Variants in MOCOS observed in about 807,000 individuals in gnomAD.
The protein encoded by MOCOS is molybdenum cofactor sulfurase.
Under a neutral mutation model 83.6 loss-of-function variants are expected in MOCOS, and 86 were observed. The ratio of observed to expected loss-of-function variants is 1.03; its 90% CI spans 0.86 to 1.23. MOCOS has a LOEUF of 1.23. Ranked by LOEUF, MOCOS falls within the 50% of genes most tolerant of loss-of-function variation. The pLI is 0.00. For missense variants in MOCOS, 1,120 were observed against 1,126.9 expected (o/e 0.99, Z 0.09); for synonymous variants, 445 against 434.7 (o/e 1.02, Z -0.29).
chr18:36,230,627 T>A (rs1261302798), intron 9 of MOCOS, among the ~76,000 whole-genome samples: 3 of 152,188 alleles, frequency 2.0e-5, no homozygotes, highest in Non-Finnish European at 4.4e-5. Flanking sequence ...CCATCAGAGC[T>A]CTAAGACTGA....
intron 6 of MOCOS, 98 bp from the exon 7 acceptor site, chr18:36,213,268 T>C (rs146633683): frequency 0.01 from 9,446 of 913,238 alleles, 71 homozygotes; most frequent in Non-Finnish European, 0.013. Flanking sequence ...TATCATCATT[T>C]TATTATTAGG....
chr18:36,239,868 G>A (rs1159092198), intron 9 of MOCOS, among the ~76,000 whole-genome samples: 12 of 151,892 alleles, frequency 7.9e-5, no homozygotes, highest in Admixed American at 5.2e-4. Flanking sequence ...TTTCCTTCTT[G>A]CTTCATTTCA....
At chr18:36,240,807 C>T (rs978905462) in intron 9 of MOCOS, among the ~76,000 whole-genome samples, 18 of 152,280 alleles carry the variant, frequency 1.2e-4, no homozygotes, top group African/African-American at 4.3e-4. Context: ...TAGGACCCTC[C>T]GAGCCAGGTG....
At chr18:36,233,575 A>G (rs1160584388) in intron 9 of MOCOS, among the ~76,000 whole-genome samples, 1 of 152,286 alleles carries the variant, frequency 6.6e-6, no homozygotes, top group East Asian at 1.9e-4. Flanking sequence ...GCTGGATCAA[A>G]TTGTGGTTCT....
intron 2 of MOCOS, among the ~76,000 whole-genome samples, chr18:36,197,064 A>T (rs941450996): frequency 6.6e-6 from 1 of 152,082 alleles, no homozygotes; most frequent in African/African-American, 2.4e-5. Context: ...CCAGGAAGGG[A>T]GCAAAACTAG....
chr18:36,241,972 C>G (rs117879435), intron 9 of MOCOS, among the ~76,000 whole-genome samples: 1 of 152,212 alleles, frequency 6.6e-6, no homozygotes, highest in Admixed American at 6.5e-5. Flanking sequence ...GAGCCTGACC[C>G]GCGAAGCCAT....
chr18:36,261,699 A>T (rs2091663927), intron 13 of MOCOS, among the ~76,000 whole-genome samples: 1 of 152,124 alleles, frequency 6.6e-6, no homozygotes, highest in African/African-American at 2.4e-5. Context: ...CAAGCAATCT[A>T]TATTATGTCC....
At chr18:36,238,920 G>T (rs1217773992) in intron 9 of MOCOS, among the ~76,000 whole-genome samples, 10 of 148,652 alleles carry the variant, frequency 6.7e-5, no homozygotes, top group Admixed American at 1.4e-4. Flanking sequence ...ATCTTTGTTG[G>T]TTTAAAGTCT....
intron 2 of MOCOS, among the ~76,000 whole-genome samples, chr18:36,198,450 T>C (rs551889206): frequency 1.2e-4 from 19 of 152,356 alleles, no homozygotes; most frequent in Admixed American, 8.5e-4. Context: ...CACCCATTGA[T>C]GGACATTTAT....
rs1440570116 is a variant in MOCOS at position 36,237,720 on chromosome 18, C to G, written c.1961-11202C>G. On this transcript the variant is annotated intron_variant, in intron 9 of 14. Transcript: ENST00000261326. ...TCAGAAGTAATGGTACCAGTTCCTC[C>G]TTGTACCTGTGGTAGAATTCGGCTG... Among the ~76,000 whole-genome samples the G allele has an allele frequency of 2.0e-5, 3 of 152,008 alleles. No homozygotes were observed. In the East Asian group the frequency reaches 5.8e-4, roughly 29 times the overall value.
chr18:36,215,262 T>C (rs1156717139), intron 7 of MOCOS, among the ~76,000 whole-genome samples: 1 of 152,136 alleles, frequency 6.6e-6, no homozygotes, highest in Non-Finnish European at 1.5e-5. Flanking sequence ...CCATGAAGTA[T>C]TTCTATTAAA....
chr18:36,202,233 A>C (rs1392801517), intron 4 of MOCOS, among the ~76,000 whole-genome samples: 2 of 152,246 alleles, frequency 1.3e-5, no homozygotes, highest in Non-Finnish European at 2.9e-5. Context: ...AGCGAAGTAC[A>C]TCCCTTGACA....
intron 8 of MOCOS, among the ~76,000 whole-genome samples, chr18:36,219,495 ATGGTGAAACCC>A (rs1156363051): frequency 6.6e-6 from 1 of 152,058 alleles, no homozygotes; most frequent in Admixed American, 6.6e-5. Flanking sequence ...CCTGGCTAAC[ATGGTGAAACCC>A]TGTCTTTACT....
chr18:36,190,420 G>C (rs970981188), intron 1 of MOCOS: 4 of 152,076 alleles, frequency 2.6e-5, no homozygotes, highest in East Asian at 1.9e-4. Context: ...TGCAGTTCTC[G>C]TGAGGGTGCG....
intron 9 of MOCOS, among the ~76,000 whole-genome samples, chr18:36,242,645 A>G (rs150761258): frequency 0.14 from 22,026 of 152,244 alleles, 2,029 homozygotes; most frequent in East Asian, 0.38. Flanking sequence ...ACAGTTCCAC[A>G]TGGCTGGAGA....
intron 10 of MOCOS, among the ~76,000 whole-genome samples, chr18:36,250,136 C>T (rs1268721587): frequency 1.3e-5 from 2 of 152,164 alleles, no homozygotes; most frequent in African/African-American, 4.8e-5. Flanking sequence ...ACCAATTCCC[C>T]TTTCACCCCC....
rs2091657949 is a variant in MOCOS, at chr18:36,260,079, C to T, written c.2313C>T (p.Leu771=). ...GKEELFSLKD[L]SLRFRANIII... ...AGGAATTATTCTCACTGAAGGATCT[C>T]AGCTTGCGTTTTCGTGCCAATATTA... The change falls in exon 13 of 15, where the codon CTC becomes CTT. Residue 771 remains leucine (L), a synonymous_variant. Coordinates refer to ENST00000261326, the MANE Select transcript of MOCOS (RefSeq NM_017947.4). The T allele has an allele frequency of 1.2e-6, 2 of 1,614,092 alleles. No individual in the cohort carries two copies. Among genetic ancestry groups the T allele is most frequent in the East Asian group, 2.2e-5 (1 of 44,894 alleles).
At chr18:36,210,275 T>C (rs1458738944) in intron 6 of MOCOS, among the ~76,000 whole-genome samples, 1 of 152,150 alleles carries the variant, frequency 6.6e-6, no homozygotes, top group Non-Finnish European at 1.5e-5. Context: ...AAGAATACTA[T>C]TGGGCAATAT....
chr18:36,240,725 C>A (rs1051874888), intron 9 of MOCOS, among the ~76,000 whole-genome samples: 14 of 152,190 alleles, frequency 9.2e-5, no homozygotes, highest in African/African-American at 3.1e-4. Context: ...GGGCGCCCCT[C>A]CCCCAGCCTC....
Sources: allele counts gnomAD v4.1 joint callset (sites outside exome capture counted in the v4.1 genomes callset), GRCh38; gene constraint gnomAD v4.1.1; transcripts MANE v1.5; gene names NCBI Gene and HGNC (gene_info 2026-07-23, HGNC 2026-07-21).